The following MNDA variants were observed in gnomAD, a reference collection of about 807,000 sequenced individuals.
MNDA encodes the protein epididymis secretory sperm binding protein.
A neutral mutation model predicts 37.8 loss-of-function variants in MNDA; 43 were observed. The observed-to-expected ratio is 1.14, with a 90% CI of 0.89 to 1.47. The LOEUF is 1.47. Among genes scored for constraint, MNDA ranks in the 40% most tolerant of loss-of-function variants. MNDA has a pLI of 0.00. For synonymous variants in MNDA, 181 were observed against 169.0 expected, an observed-to-expected ratio of 1.07 and a Z score of -0.55; for missense variants, 536 against 476.0, an observed-to-expected ratio of 1.13 and a Z score of -1.17.
rs765808982 is a variant in MNDA at position 158,842,192 on chromosome 1, A to T, written c.39A>T (p.Gly13=). 1.2e-6 allele frequency: 2 copies of T among 1,613,732 alleles called. No individual in the cohort carries two copies. The highest frequency in any genetic ancestry group is 2.2e-5 in the South Asian group (2 of 91,054). Reference sequence around the variant, plus strand: ...ACAAGAAAATTCTTTTGCTGAAAGGATTTGAGCTCATGGATGATTATCATT... The same window carrying T: ...ACAAGAAAATTCTTTTGCTGAAAGGTTTTGAGCTCATGGATGATTATCATT... ...NEYKKILLLK[G]FELMDDYHFT... is the part of the protein sequence containing the mutation. The change falls in exon 2 of 7, where the codon GGA becomes GGT. Residue 13 remains glycine (G), a synonymous_variant. Transcript: ENST00000368141.
intron 4 of MNDA, 60 bp downstream of exon 4, chr1:158,844,182 T>A: frequency 1.5e-6 from 2 of 1,321,572 alleles, no homozygotes; most frequent in Non-Finnish European, 2.0e-6. Context: ...TGCATTCCAC[T>A]GTTACTATTG....
At chr1:158,835,632 T>G (rs940052092) in intron 1 of MNDA, among the ~76,000 whole-genome samples, 195 of 86,804 alleles carry the variant, frequency 2.2e-3, no homozygotes, top group Middle Eastern at 0.016. Flanking sequence ...GGGGGGTGGG[T>G]GTTAAACCCT....
chr1:158,846,706 A>T (rs1463884015), intron 5 of MNDA, among the ~76,000 whole-genome samples: 1 of 152,162 alleles, frequency 6.6e-6, no homozygotes, highest in African/African-American at 2.4e-5. Flanking sequence ...AATGCATTCC[A>T]TCCCTTTCTC....
chr1:158,841,997 T>G, intron 1 of MNDA, 137 bp from the exon 2 acceptor site: 1 of 656,886 alleles, frequency 1.5e-6, no homozygotes, highest in South Asian at 2.0e-5. Flanking sequence ...GTGACATATC[T>G]GGTAACTTAG....
chr1:158,834,761 C>T (rs6684234), intron 1 of MNDA, among the ~76,000 whole-genome samples: 1 of 152,052 alleles, frequency 6.6e-6, no homozygotes, highest in Non-Finnish European at 1.5e-5. Context: ...GTTTTAATTC[C>T]TACATTTAGA....
chr1:158,841,019 G>A (rs2102048751), intron 1 of MNDA, among the ~76,000 whole-genome samples: 1 of 152,224 alleles, frequency 6.6e-6, no homozygotes, highest in East Asian at 1.9e-4. Context: ...AATGCCCTTA[G>A]GTAGTACACA....
chr1:158,839,021 T>G (rs986776757), intron 1 of MNDA, among the ~76,000 whole-genome samples: 3 of 152,184 alleles, frequency 2.0e-5, no homozygotes, highest in Non-Finnish European at 4.4e-5. Flanking sequence ...TTTAACTCAT[T>G]TATCATATTT....
intron 1 of MNDA, among the ~76,000 whole-genome samples, chr1:158,837,034 T>C (rs1473369599): frequency 6.6e-6 from 1 of 151,878 alleles, no homozygotes; most frequent in Non-Finnish European, 1.5e-5. Context: ...GATTTCTACT[T>C]TTATTCCATT....
At chr1:158,838,693 TCAC>T (rs1225630096) in intron 1 of MNDA, among the ~76,000 whole-genome samples, 1 of 152,148 alleles carries the variant, frequency 6.6e-6, no homozygotes, top group Non-Finnish European at 1.5e-5. Flanking sequence ...CTCTTTTCCA[TCAC>T]CTTTTCAGAC....
rs1280059575 is a variant in MNDA, at chr1:158,847,880, G to A, written c.1140G>A (p.Lys380=). The A allele has an allele frequency of 1.9e-6, 3 of 1,613,872 alleles. No individual in the cohort carries two copies. The highest frequency in any genetic ancestry group is 1.7e-5 in the Admixed American group (1 of 59,990). Reference sequence around the variant, plus strand: ...TTCAACTGAGAACAGTTGACCGCAAGCTGAAACTGGTGTGTGGAAGTCACA... The same window carrying A: ...TTCAACTGAGAACAGTTGACCGCAAACTGAAACTGGTGTGTGGAAGTCACA... ...FCLQLRTVDR[K]LKLVCGSHSF... is the part of the protein sequence containing the mutation. Residue 380 remains lysine (K), a synonymous_variant, in exon 6 of 7, where the codon AAG becomes AAA. Transcript: ENST00000368141.
intron 2 of MNDA, 144 bp downstream of exon 2, chr1:158,842,562 C>T: frequency 1.3e-6 from 1 of 748,038 alleles, no homozygotes; most frequent in Non-Finnish European, 2.2e-6. Context: ...CAGAGACTGA[C>T]CAGTTGGCAA....
In MNDA at chr1:158,847,744, A is replaced by G. The variant is rs1002965819; in HGVS notation, c.1004A>G (p.Lys335Arg). The change falls in exon 6 of 7, where the codon AAG becomes AGG. Residue 335 changes from lysine (K) to arginine (R), a missense_variant. Coordinates refer to ENST00000368141, the MANE Select transcript of MNDA (RefSeq NM_002432.3). ...CTTTTGCAGAAAAGCGTACACAAGA[A>G]GAACACAATTTATGAAATACAGGAT... ...FMLQKKSVHK[K>R]NTIYEIQDNT... 6.2e-7 allele frequency: 1 copy of G among 1,612,740 alleles called. No individual in the cohort carries two copies. Among genetic ancestry groups the G allele is most frequent in the Middle Eastern group, 1.7e-4 (1 of 6,050 alleles).
chr1:158,840,519 C>T (rs953829165), intron 1 of MNDA, among the ~76,000 whole-genome samples: 2 of 152,068 alleles, frequency 1.3e-5, no homozygotes, highest in African/African-American at 4.8e-5. Context: ...ACCATATCAG[C>T]CACGTATTAC....
intron 1 of MNDA, among the ~76,000 whole-genome samples, chr1:158,840,573 C>G (rs1197479136): frequency 2.6e-5 from 4 of 152,170 alleles, no homozygotes; most frequent in Admixed American, 2.6e-4. Flanking sequence ...TGCTACCACA[C>G]TTCCCTGCTA....
intron 1 of MNDA, among the ~76,000 whole-genome samples, chr1:158,839,013 TAAC>T (rs1325563446): frequency 3.3e-5 from 5 of 152,310 alleles, no homozygotes; most frequent in African/African-American, 1.2e-4. Context: ...TATTTTCCTT[TAAC>T]TCATTTATCA....
In MNDA at chr1:158,845,498, C is replaced by G. The variant is rs1205743059; in HGVS notation, c.571-89C>G. The G allele has an allele frequency of 6.6e-6, 9 of 1,363,412 alleles. No homozygotes were observed. The East Asian group carries it at 1.7e-4, about 25-fold the overall frequency. The allele number at this position is 1,363,412 out of a possible 1,614,324, so 84.5% of individuals were successfully genotyped here. The stretch of plus-strand genomic sequence containing the variant: ...CTCGTGATCCACCCGCCTCGGCTTC[C>G]CAAAGTGCTAGGATTACAGGCGTGA... On this transcript the variant is annotated intron_variant, in intron 4 of 6. Transcript: ENST00000368141.
chr1:158,841,496 G>C (rs1659027493), intron 1 of MNDA, among the ~76,000 whole-genome samples: 1 of 152,164 alleles, frequency 6.6e-6, no homozygotes, highest in South Asian at 2.1e-4. Flanking sequence ...TTCCACACTA[G>C]AGAGCAGATA....
intron 2 of MNDA, 123 bp downstream of exon 2, chr1:158,842,541 T>C (rs998037263): frequency 9.7e-7 from 1 of 1,029,228 alleles, no homozygotes; most frequent in Non-Finnish European, 1.4e-6. Flanking sequence ...GTCATGGGGA[T>C]GTTGGCACCT....
intron 1 of MNDA, among the ~76,000 whole-genome samples, chr1:158,834,883 C>G (rs857797): frequency 0.79 from 119,642 of 152,134 alleles, 47,046 homozygotes; most frequent in Admixed American, 0.83. Flanking sequence ...TGTTCTTTCT[C>G]ATTAAACAGC....
Sources: allele counts gnomAD v4.1 joint callset (sites outside exome capture counted in the v4.1 genomes callset), GRCh38; gene constraint gnomAD v4.1.1; transcripts MANE v1.5; gene names NCBI Gene and HGNC (gene_info 2026-07-23, HGNC 2026-07-21).